The following DACH2 variants were observed in gnomAD, a reference collection of about 807,000 sequenced individuals.
The protein encoded by DACH2 is dachshund family transcription factor 2, also known as dachshund homolog 2.
A neutral mutation model predicts 35.8 loss-of-function variants in DACH2; 17 were observed. The ratio of observed to expected loss-of-function variants is 0.48; its 90% CI spans 0.33 to 0.71. DACH2 has a LOEUF of 0.71. Ranked by LOEUF, DACH2 falls within the 30% of genes least tolerant of loss-of-function variation. The pLI is 0.02. For synonymous variants in DACH2, 195 were observed against 177.3 expected, an observed-to-expected ratio of 1.10 and a Z score of -0.79; for missense variants, 469 against 472.7, an observed-to-expected ratio of 0.99 and a Z score of 0.07.
chrX:86,297,067 A>G (rs2034479820), intron 1 of DACH2, among the ~76,000 whole-genome samples: 1 of 100,607 alleles, frequency 9.9e-6, no homozygotes, highest in African/African-American at 3.7e-5. Context: ...ATATATATAT[A>G]TATAATTAGA....
At chrX:86,453,071 T>C (rs1049829488) in intron 2 of DACH2, among the ~76,000 whole-genome samples, 2 of 111,785 alleles carry the variant, frequency 1.8e-5, no homozygotes, top group African/African-American at 6.5e-5. Context: ...AATTTCATTA[T>C]TTACCCCAGA....
intron 3 of DACH2, among the ~76,000 whole-genome samples, chrX:86,638,278 G>A (rs1602727264): frequency 8.9e-6 from 1 of 111,784 alleles, no homozygotes; most frequent in East Asian, 2.8e-4. Flanking sequence ...GGATTAACGA[G>A]TTAAATGTAA....
intron 2 of DACH2, among the ~76,000 whole-genome samples, chrX:86,429,854 C>T (rs970823312): frequency 8.9e-6 from 1 of 112,165 alleles, no homozygotes; most frequent in Non-Finnish European, 1.9e-5. Context: ...TGAGCCACCG[C>T]GCCTGGCCTA....
At chrX:86,254,325 G>T (rs1479652936) in intron 1 of DACH2, among the ~76,000 whole-genome samples, 3 of 111,213 alleles carry the variant, frequency 2.7e-5, no homozygotes, top group East Asian at 2.9e-4. Context: ...CAGAATTGTT[G>T]CTGGCTGCCT....
chrX:86,297,043 GTA>G (rs35078642), intron 1 of DACH2, among the ~76,000 whole-genome samples: 7,999 of 89,734 alleles, frequency 0.089, 329 homozygotes, highest in African/African-American at 0.16. Context: ...ATATAATTGT[GTA>G]TATATATATA....
chrX:86,636,397 G>A (rs137875184), intron 3 of DACH2, among the ~76,000 whole-genome samples: 3,942 of 105,712 alleles, frequency 0.037, 170 homozygotes, highest in African/African-American at 0.13. Flanking sequence ...GCAGTGAGCT[G>A]AGATCACCCC....
chrX:86,291,711 A>G (rs1317293195), intron 1 of DACH2, among the ~76,000 whole-genome samples: 6 of 98,405 alleles, frequency 6.1e-5, no homozygotes, highest in African/African-American at 2.0e-4. Flanking sequence ...GGTTCTGTTT[A>G]TATGCTGGAT....
intron 2 of DACH2, among the ~76,000 whole-genome samples, chrX:86,407,171 G>T (rs1478135932): frequency 1.8e-5 from 2 of 111,471 alleles, no homozygotes; most frequent in Non-Finnish European, 3.8e-5. Context: ...TAATTTCAAG[G>T]AATAAAGCCT....
chrX:86,349,033 A>G (rs1456678258), intron 1 of DACH2, among the ~76,000 whole-genome samples: 2 of 112,601 alleles, frequency 1.8e-5, no homozygotes, highest in African/African-American at 3.2e-5. Flanking sequence ...AATCAGCTCA[A>G]TTAGACCCTC....
At chrX:86,479,071 C>T (rs1167715269) in intron 2 of DACH2, among the ~76,000 whole-genome samples, 7 of 110,512 alleles carry the variant, frequency 6.3e-5, no homozygotes, top group East Asian at 2.9e-4. Flanking sequence ...GGTGGTCTTC[C>T]GCCAGAGTTG....
intron 7 of DACH2, among the ~76,000 whole-genome samples, chrX:86,760,442 T>A (rs1394630071): frequency 1.8e-5 from 2 of 111,978 alleles, no homozygotes; most frequent in African/African-American, 3.2e-5. Context: ...TCAAAATACC[T>A]GTCTTCAAGC....
At chrX:86,400,174 G>A (rs185309134) in intron 2 of DACH2, among the ~76,000 whole-genome samples, 130 of 111,408 alleles carry the variant, frequency 1.2e-3, no homozygotes, top group African/African-American at 3.5e-3. Context: ...TGATCGCATC[G>A]GCTACTGAGG....
chrX:86,732,769 A>G (rs2041546161), intron 6 of DACH2, among the ~76,000 whole-genome samples: 1 of 112,292 alleles, frequency 8.9e-6, no homozygotes, highest in African/African-American at 3.2e-5. Context: ...TTTACATTCA[A>G]TAATCCATAT....
At chrX:86,498,731 T>C (rs1237974521) in intron 2 of DACH2, among the ~76,000 whole-genome samples, 1 of 112,364 alleles carries the variant, frequency 8.9e-6, no homozygotes, top group Non-Finnish European at 1.9e-5. Flanking sequence ...TAATGAAATA[T>C]CAAATTATGT....
At chrX:86,278,517 G>A (rs981530621) in intron 1 of DACH2, among the ~76,000 whole-genome samples, 1 of 112,424 alleles carries the variant, frequency 8.9e-6, no homozygotes, top group African/African-American at 3.2e-5. Context: ...GCAAAAATGT[G>A]TTGATTGTAA....
intron 1 of DACH2, among the ~76,000 whole-genome samples, chrX:86,193,058 C>T (rs1399356437): frequency 2.7e-5 from 3 of 111,665 alleles, no homozygotes; most frequent in Admixed American, 9.5e-5. Context: ...AATTCTATTT[C>T]ACTTATTAAT....
At chrX:86,732,796 A>G (rs1166061855) in intron 6 of DACH2, among the ~76,000 whole-genome samples, 1 of 112,219 alleles carries the variant, frequency 8.9e-6, no homozygotes, top group African/African-American at 3.2e-5. Flanking sequence ...AGTAATAAGT[A>G]GAAAACAATA....
At chrX:86,669,591 A>G (rs1048145869) in intron 4 of DACH2, among the ~76,000 whole-genome samples, 4 of 111,623 alleles carry the variant, frequency 3.6e-5, no homozygotes, top group Admixed American at 1.9e-4. Flanking sequence ...AAAGAGGCTC[A>G]GTGATGTAGT....
At chrX:86,283,717 G>A in intron 1 of DACH2, among the ~76,000 whole-genome samples, 1 of 105,916 alleles carries the variant, frequency 9.4e-6, no homozygotes, top group Admixed American at 1.0e-4. Flanking sequence ...CACACACTGG[G>A]GCCTGTTGGG....
Sources: gnomAD v4.1 joint callset for allele counts (sites outside exome capture counted in the v4.1 genomes callset) on GRCh38, gnomAD v4.1.1 for gene constraint, MANE v1.5 for transcripts, NCBI Gene and HGNC (gene_info 2026-07-23, HGNC 2026-07-21) for gene names.